The following ZNF678 variants were observed in gnomAD, a reference collection of about 807,000 sequenced individuals.
The protein encoded by ZNF678 is zinc finger protein 678.
In ZNF678, 5 loss-of-function variants were observed where a neutral mutation model predicts 3.0. The observed-to-expected ratio is 1.69, with a 90% confidence interval of 0.88 to 3.56. The LOEUF is 3.56. Ranked by LOEUF, ZNF678 falls within the 30% of genes most tolerant of loss-of-function variation. The pLI is 0.00. For missense variants in ZNF678, 593 were observed against 605.0 expected (o/e 0.98, Z 0.21); for synonymous variants, 218 against 199.6 (o/e 1.09, Z -0.78).
At position 227,661,559 on chromosome 1, in the gene ZNF678, A is replaced by G. The variant is rs1157320673; in HGVS notation, c.*5731A>G. On this transcript the variant is annotated 3_prime_UTR_variant, in exon 4 of 4. Transcript: ENST00000343776. ...CTTTTTATGGAGCCAGGCATGGTTGACCTGCTTTCCATGTCTCAAAACATT... is the reference window on the plus strand; with the variant it reads ...CTTTTTATGGAGCCAGGCATGGTTGGCCTGCTTTCCATGTCTCAAAACATT... 6.6e-6 allele frequency: 1 copy of G among 152,158 alleles called. No homozygotes were observed. The highest frequency in any genetic ancestry group is 1.5e-5 in the Non-Finnish European group (1 of 68,026). 9.4% of individuals were successfully genotyped at this position (152,158 alleles called of 1,614,324 possible). A position where few individuals can be genotyped will look rare whatever the true frequency, so the allele number is the denominator to read the frequency against.
chr1:227,573,998 T>C (rs1656923809), intron 1 of ZNF678, among the ~76,000 whole-genome samples: 1 of 152,258 alleles, frequency 6.6e-6, no homozygotes, highest in African/African-American at 2.4e-5. Flanking sequence ...GCAAAGGGCA[T>C]GATCTCATTC....
intron 1 of ZNF678, among the ~76,000 whole-genome samples, chr1:227,640,912 A>T (rs1247387029): frequency 6.6e-6 from 1 of 152,214 alleles, no homozygotes; most frequent in Non-Finnish European, 1.5e-5. Context: ...TTTCCTCCCC[A>T]AACGGAATCA....
At chr1:227,618,985 G>A (rs1658208492) in intron 1 of ZNF678, among the ~76,000 whole-genome samples, 1 of 152,266 alleles carries the variant, frequency 6.6e-6, no homozygotes, top group Admixed American at 6.5e-5. Context: ...TTCTTCACCT[G>A]GTGGCAGGAG....
rs1189735082 is a variant in ZNF678 at position 227,655,032 on chromosome 1, G to A, written c.782G>A (p.Gly261Glu). 1 of 1,612,118 alleles carries A rather than the reference G, an allele frequency of 6.2e-7. No individual in the cohort carries two copies. Among genetic ancestry groups the A allele is most frequent in the African/African-American group, 1.3e-5 (1 of 74,806 alleles). ...NLTQHKRIHT[G>E]EKPYKCEECG... ...ACTCAACATAAGAGAATTCATACTG[G>A]AGAGAAACCTTACAAGTGTGAAGAA... Residue 261 changes from glycine (G) to glutamate (E), a missense_variant, in exon 4 of 4, where the codon GGA (glycine) becomes GAA (glutamate). By Grantham distance (98) the Gly-to-Glu change is moderately conservative (BLOSUM62 -2). Coordinates refer to ENST00000343776, the MANE Select transcript of ZNF678 (RefSeq NM_001367909.1).
At chr1:227,679,115 A>G (rs971326982), downstream of ZNF678, among the ~76,000 whole-genome samples, 2 of 152,194 alleles carry the variant, frequency 1.3e-5, no homozygotes, top group Non-Finnish European at 2.9e-5. Flanking sequence ...AATGACTTCT[A>G]GAACAATTCA....
At chr1:227,640,721 A>T (rs1225397594) in intron 1 of ZNF678, among the ~76,000 whole-genome samples, 2 of 152,108 alleles carry the variant, frequency 1.3e-5, no homozygotes, top group Admixed American at 6.5e-5. Flanking sequence ...TTTAGGGTGG[A>T]TATCTTGCCT....
intron 1 of ZNF678, among the ~76,000 whole-genome samples, chr1:227,604,229 T>C (rs949060295): frequency 6.6e-6 from 1 of 152,260 alleles, no homozygotes; most frequent in Non-Finnish European, 1.5e-5. Context: ...GGTAATTCCA[T>C]GTTAAACATT....
chr1:227,608,276 A>AT (rs935578237), intron 1 of ZNF678, among the ~76,000 whole-genome samples: 25 of 149,624 alleles, frequency 1.7e-4, no homozygotes, highest in Middle Eastern at 7.1e-3. Flanking sequence ...ATTCCAACTG[A>AT]TTTTTTTTTT....
chr1:227,617,485 C>T (rs6656661), intron 1 of ZNF678, among the ~76,000 whole-genome samples: 33,469 of 152,064 alleles, frequency 0.22, 4,252 homozygotes, highest in African/African-American at 0.34. Flanking sequence ...ACAAATGGTT[C>T]GGCACAATAT....
intron 1 of ZNF678, among the ~76,000 whole-genome samples, chr1:227,612,386 A>G (rs1242004005): frequency 2.6e-5 from 4 of 152,180 alleles, no homozygotes; most frequent in Non-Finnish European, 4.4e-5. Context: ...GCCATCACTA[A>G]TGGGTAATCA....
At chr1:227,617,849 C>T (rs1441974037) in intron 1 of ZNF678, among the ~76,000 whole-genome samples, 5 of 152,128 alleles carry the variant, frequency 3.3e-5, no homozygotes, top group East Asian at 3.9e-4. Flanking sequence ...CAGCAGGGGA[C>T]GGTTTAAATC....
At chr1:227,634,615 G>A (rs929298047) in intron 1 of ZNF678, among the ~76,000 whole-genome samples, 12 of 152,202 alleles carry the variant, frequency 7.9e-5, no homozygotes, top group Admixed American at 2.0e-4. Context: ...TAGCCACAGA[G>A]TGAGGCTCTT....
At chr1:227,573,514 G>A (rs1656909137) in intron 1 of ZNF678, among the ~76,000 whole-genome samples, 5 of 152,190 alleles carry the variant, frequency 3.3e-5, no homozygotes, top group Admixed American at 6.5e-5. Flanking sequence ...CTCTTAAAAT[G>A]CAGCTATTTT....
At chr1:227,583,147 T>C (rs867417836) in intron 1 of ZNF678, among the ~76,000 whole-genome samples, 29 of 152,100 alleles carry the variant, frequency 1.9e-4, no homozygotes, top group Admixed American at 4.6e-4. Flanking sequence ...TTGGGTCTAT[T>C]ATTTCTAAGT....
At chr1:227,620,499 A>G (rs1658255014) in intron 1 of ZNF678, among the ~76,000 whole-genome samples, 1 of 152,140 alleles carries the variant, frequency 6.6e-6, no homozygotes, top group Non-Finnish European at 1.5e-5. Flanking sequence ...TTATGACAAT[A>G]TTATTGTTGA....
chr1:227,664,664 T>C (rs944849748), downstream of ZNF678, among the ~76,000 whole-genome samples: 1 of 152,162 alleles, frequency 6.6e-6, no homozygotes. Context: ...CTTGCTCTCT[T>C]GAGCATTTCC....
intron 1 of ZNF678, among the ~76,000 whole-genome samples, chr1:227,567,611 T>G (rs1049166457): frequency 8.5e-5 from 13 of 152,288 alleles, no homozygotes; most frequent in African/African-American, 3.1e-4. Context: ...TGAGGATAAA[T>G]TTCATTGTCC....
chr1:227,583,952 C>T (rs1395760163), intron 1 of ZNF678, among the ~76,000 whole-genome samples: 2 of 152,184 alleles, frequency 1.3e-5, no homozygotes, highest in Admixed American at 1.3e-4. Flanking sequence ...AGATTCACTT[C>T]CACTTATATG....
intron 1 of ZNF678, among the ~76,000 whole-genome samples, chr1:227,609,001 A>G (rs1657948136): frequency 6.6e-6 from 1 of 152,214 alleles, no homozygotes; most frequent in Non-Finnish European, 1.5e-5. Flanking sequence ...CACATAGGAA[A>G]TCAACCACCA....
Sources: gnomAD v4.1 joint callset for allele counts (sites outside exome capture counted in the v4.1 genomes callset) on GRCh38, gnomAD v4.1.1 for gene constraint, MANE v1.5 for transcripts, NCBI Gene and HGNC (gene_info 2026-07-23, HGNC 2026-07-21) for gene names.